Variants in KCNK10 observed in about 807,000 individuals in gnomAD.
The protein encoded by KCNK10 is potassium channel subfamily K member 10.
KCNK10 carries 25 observed loss-of-function variants against 47.7 expected under a neutral mutation model. The ratio of observed to expected loss-of-function variants is 0.52; its 90% CI spans 0.38 to 0.73. The LOEUF is 0.73. Ranked by LOEUF, KCNK10 falls within the 30% of genes least tolerant of loss-of-function variation. The pLI, the probability that KCNK10 is intolerant of heterozygous loss-of-function variation, is 0.00. For missense variants in KCNK10, 563 were observed against 714.5 expected, an observed-to-expected ratio of 0.79 and a Z score of 2.42; for synonymous variants, 303 against 285.6, an observed-to-expected ratio of 1.06 and a Z score of -0.61.
At chr14:88,284,240 C>T (rs1042143026) in intron 1 of KCNK10, among the ~76,000 whole-genome samples, 2 of 151,974 alleles carry the variant, frequency 1.3e-5, no homozygotes, top group South Asian at 2.1e-4. Flanking sequence ...ATTCTAGTGC[C>T]GGCTTTGCAC....
intron 4 of KCNK10, among the ~76,000 whole-genome samples, chr14:88,195,403 G>C (rs1884879152): frequency 6.6e-6 from 1 of 152,176 alleles, no homozygotes; most frequent in Non-Finnish European, 1.5e-5. Flanking sequence ...TTGTTAACAG[G>C]CCATTTTAAT....
intron 2 of KCNK10, among the ~76,000 whole-genome samples, chr14:88,247,369 C>A (rs1286962824): frequency 6.6e-6 from 1 of 152,108 alleles, no homozygotes; most frequent in Non-Finnish European, 1.5e-5. Flanking sequence ...AATCAAGTGG[C>A]CTTCCTAACT....
chr14:88,239,886 TAAAATAAAATA>T (rs144462186), intron 3 of KCNK10, among the ~76,000 whole-genome samples: 28,067 of 146,332 alleles, frequency 0.19, 2,942 homozygotes, highest in East Asian at 0.38. Context: ...TAAAATAAAA[TAAAATAAAATA>T]AAATAAATAA....
At chr14:88,215,451 C>T (rs1885587123) in intron 4 of KCNK10, among the ~76,000 whole-genome samples, 1 of 152,156 alleles carries the variant, frequency 6.6e-6, no homozygotes, top group African/African-American at 2.4e-5. Context: ...CCCCATGATT[C>T]AATTACCTCC....
chr14:88,303,774 C>T (rs898856096), intron 1 of KCNK10, among the ~76,000 whole-genome samples: 1 of 152,058 alleles, frequency 6.6e-6, no homozygotes, highest in African/African-American at 2.4e-5. Flanking sequence ...GTTGTTTCGA[C>T]CAATTGCTTC....
intron 3 of KCNK10, among the ~76,000 whole-genome samples, chr14:88,233,248 C>G (rs140901489): frequency 1.3e-5 from 2 of 152,224 alleles, no homozygotes; most frequent in African/African-American, 4.8e-5. Flanking sequence ...AGACCCCATT[C>G]ACCACTCCTT....
chr14:88,251,409 G>C (rs1214399333), intron 2 of KCNK10, among the ~76,000 whole-genome samples: 2 of 151,966 alleles, frequency 1.3e-5, no homozygotes, highest in Non-Finnish European at 2.9e-5. Flanking sequence ...GAAAAGTAAA[G>C]GTCATCCAAG....
intron 1 of KCNK10, among the ~76,000 whole-genome samples, chr14:88,283,899 C>T (rs1457641253): frequency 2.0e-5 from 3 of 151,722 alleles, no homozygotes; most frequent in Non-Finnish European, 4.4e-5. Flanking sequence ...GGTGACAGAG[C>T]GAGACTGTCT....
intron 6 of KCNK10, among the ~76,000 whole-genome samples, 171 bp downstream of exon 6, chr14:88,187,796 T>C (rs1260299009): frequency 2.0e-5 from 3 of 152,130 alleles, no homozygotes; most frequent in African/African-American, 7.2e-5. Flanking sequence ...TGTATTCTAT[T>C]CTCCTTAGCT....
intron 4 of KCNK10, among the ~76,000 whole-genome samples, chr14:88,193,099 C>T (rs976493684): frequency 6.6e-6 from 1 of 152,202 alleles, no homozygotes; most frequent in African/African-American, 2.4e-5. Context: ...GACTGTATCA[C>T]TCACAAGAGA....
intron 4 of KCNK10, among the ~76,000 whole-genome samples, chr14:88,196,819 G>A (rs1884929116): frequency 6.6e-6 from 1 of 152,220 alleles, no homozygotes; most frequent in African/African-American, 2.4e-5. Context: ...TGCCTAGTAA[G>A]AGGACTGACT....
intron 1 of KCNK10, among the ~76,000 whole-genome samples, chr14:88,280,032 C>T (rs889489837): frequency 1.3e-5 from 2 of 152,110 alleles, no homozygotes; most frequent in African/African-American, 4.8e-5. Flanking sequence ...CCAATTAAAC[C>T]TCTCCTTCCC....
chr14:88,198,769 T>C (rs932698753), intron 4 of KCNK10, among the ~76,000 whole-genome samples: 1 of 152,178 alleles, frequency 6.6e-6, no homozygotes, highest in Non-Finnish European at 1.5e-5. Flanking sequence ...GAGTTACCCC[T>C]TGTGATCTCC....
At chr14:88,251,325 C>T (rs1416961574) in intron 2 of KCNK10, among the ~76,000 whole-genome samples, 1 of 151,606 alleles carries the variant, frequency 6.6e-6, no homozygotes, top group Non-Finnish European at 1.5e-5. Flanking sequence ...GCCACTGTGC[C>T]AGGCAGAAGG....
At chr14:88,262,671 T>C (rs567642511) in intron 2 of KCNK10, among the ~76,000 whole-genome samples, 2 of 152,166 alleles carry the variant, frequency 1.3e-5, no homozygotes, top group African/African-American at 2.4e-5. Context: ...ACAGCAAACC[T>C]GATGATTACT....
rs529288443 is a variant in KCNK10 at position 88,206,036 on chromosome 14, C to A, written c.682-13626G>T. Among the ~76,000 whole-genome samples, 5 of 152,180 alleles carry A rather than the reference C, an allele frequency of 3.3e-5. No homozygotes were observed. In the South Asian group the frequency reaches 8.3e-4, roughly 25 times the overall value. Reference sequence around the variant, plus strand: ...AGGTATAGTCAGATGGATGTACACACACATATGCATATAATAAATATTTGT... The same window carrying A: ...AGGTATAGTCAGATGGATGTACACAAACATATGCATATAATAAATATTTGT... On this transcript the variant is annotated intron_variant, in intron 4 of 6. Coordinates refer to ENST00000319231, the MANE Select transcript of KCNK10 (RefSeq NM_138317.3).
intron 1 of KCNK10, among the ~76,000 whole-genome samples, chr14:88,306,774 A>G (rs541259966): frequency 1.3e-5 from 2 of 152,196 alleles, no homozygotes; most frequent in Non-Finnish European, 2.9e-5. Context: ...GAAGGATGAC[A>G]TTTCCTCCAT....
At chr14:88,280,991 AAGGTGC>A (rs1457743384) in intron 1 of KCNK10, among the ~76,000 whole-genome samples, 1 of 150,538 alleles carries the variant, frequency 6.6e-6, no homozygotes, top group Non-Finnish European at 1.5e-5. Context: ...CATGGCTTCC[AAGGTGC>A]TCAAACTCAG....
At position 88,187,904 on chromosome 14, in the gene KCNK10, G is replaced by T. The variant is rs1321138995; in HGVS notation, c.1011+63C>A. The stretch of plus-strand genomic sequence containing the variant: ...ACTCCAGCCCACAGGACAGAGACAG[G>T]CAATTCTGGACACAAGCTCATCTGT... On this transcript the variant is annotated intron_variant, in intron 6 of 6. Coordinates refer to ENST00000319231, the MANE Select transcript of KCNK10 (RefSeq NM_138317.3). 5 of 1,586,676 alleles carry T rather than the reference G, an allele frequency of 3.2e-6. No homozygotes were observed. In the African/African-American group the frequency reaches 5.4e-5, roughly 17 times the overall value.
Sources: allele counts gnomAD v4.1 joint callset (sites outside exome capture counted in the v4.1 genomes callset), GRCh38; gene constraint gnomAD v4.1.1; transcripts MANE v1.5; gene names NCBI Gene and HGNC (gene_info 2026-07-23, HGNC 2026-07-21).